Variants in USF3 observed in about 807,000 individuals in gnomAD.
The protein encoded by USF3 is upstream transcription factor family member 3.
USF3 carries 29 observed loss-of-function variants against 157.5 expected under a neutral mutation model. That is an observed-to-expected ratio of 0.18 (90% CI 0.14 to 0.25). The LOEUF is 0.25. Ranked by LOEUF, USF3 falls within the 10% of genes least tolerant of loss-of-function variation. The pLI, the probability that USF3 is intolerant of heterozygous loss-of-function variation, is 1.00. For missense variants in USF3, 2,381 were observed against 2,667.6 expected, an observed-to-expected ratio of 0.89 and a Z score of 2.37; for synonymous variants, 893 against 941.4, an observed-to-expected ratio of 0.95 and a Z score of 0.94.
At chr3:113,696,143 G>GCC (rs2107969971) in intron 1 of USF3, among the ~76,000 whole-genome samples, 1 of 152,342 alleles carries the variant, frequency 6.6e-6, no homozygotes, top group East Asian at 1.9e-4. Context: ...CGGGGACGCA[G>GCC]GGCGGGCGGG....
At chr3:113,680,798 C>CA (rs527515104) in intron 1 of USF3, among the ~76,000 whole-genome samples, 20,206 of 113,312 alleles carry the variant, frequency 0.18, 1,930 homozygotes, top group Non-Finnish European at 0.24. Flanking sequence ...ATACTGTCTC[C>CA]AAAAAAAAAA....
Position 113,658,495 on chromosome 3 carries a change from G to A in USF3, c.3187C>T (p.Gln1063Ter), listed in dbSNP as rs1397567107. 6.2e-7 allele frequency: 1 copy of A among 1,613,718 alleles called. No homozygotes were observed. Among genetic ancestry groups the A allele is most frequent in the Non-Finnish European group, 8.5e-7 (1 of 1,179,724 alleles). Residue 1063 changes from glutamine (Q) to a stop codon, truncating the protein, a stop_gained, in exon 7 of 7, where the codon CAG (glutamine) becomes TAG (stop). Coordinates refer to ENST00000316407, the MANE Select transcript of USF3 (RefSeq NM_001009899.4). LOFTEE classifies it high-confidence loss of function. The part of the protein sequence containing the change: ...LMNNDDRDPP[Q>*]HHSCLPDQEV... The stretch of plus-strand genomic sequence containing the variant: ...TGATCAGGGAGGCAGGAATGATGCT[G>A]TGGAGGATCTCTATCATCATTGTTC...
chr3:113,682,705 A>G (rs1287140169), intron 1 of USF3, among the ~76,000 whole-genome samples: 1 of 152,148 alleles, frequency 6.6e-6, no homozygotes, highest in Non-Finnish European at 1.5e-5. Flanking sequence ...CTTTAAAATT[A>G]TATAATGATG....
Position 113,654,885 on chromosome 3 carries a change from T to G in USF3, c.*59A>C, listed in dbSNP as rs1173008255. On this transcript the variant is annotated 3_prime_UTR_variant, in exon 7 of 7. Coordinates refer to ENST00000316407, the MANE Select transcript of USF3 (RefSeq NM_001009899.4). ...CTCTTCATGTACATGTCTGTGCACA[T>G]GCACGCACAAATACATTTGTAATCT... The G allele has an allele frequency of 2.0e-6, 3 of 1,529,958 alleles. No individual in the cohort carries two copies. In the African/African-American group the frequency reaches 4.1e-5, roughly 21 times the overall value. The allele number at this position is 1,529,958 out of a possible 1,614,324, so 94.8% of individuals were successfully genotyped here.
At chr3:113,691,902 A>G (rs747282212) in intron 1 of USF3, among the ~76,000 whole-genome samples, 3 of 152,116 alleles carry the variant, frequency 2.0e-5, no homozygotes, top group Non-Finnish European at 4.4e-5. Flanking sequence ...TATCCTCTTT[A>G]AAGATTTCTC....
chr3:113,673,309 G>C (rs777646546), intron 4 of USF3, 39 bp downstream of exon 4: 10 of 1,456,950 alleles, frequency 6.9e-6, no homozygotes, highest in Middle Eastern at 1.7e-4. Flanking sequence ...CATTTTGAAT[G>C]CAAAAAATGC....
chr3:113,670,235 T>C lies in USF3; in HGVS notation c.77-32A>G, dbSNP rs201847339. 46 of 1,274,226 alleles carry C rather than the reference T, an allele frequency of 3.6e-5. No individual in the cohort carries two copies. The East Asian group carries it at 1.0e-3, about 28-fold the overall frequency. 78.9% of individuals were successfully genotyped at this position (1,274,226 alleles called of 1,614,324 possible). On this transcript the variant is annotated intron_variant, in intron 4 of 6. Transcript: ENST00000316407. ...GGGAGAAAATTCGTTTATCAAACCT[T>C]ACACTACTTAGTCAAAGTGCCCTCA...
chr3:113,671,532 T>C (rs1391489598), intron 4 of USF3, among the ~76,000 whole-genome samples: 1 of 152,198 alleles, frequency 6.6e-6, no homozygotes, highest in Non-Finnish European at 1.5e-5. Flanking sequence ...GGAGACATTA[T>C]ACAAATAATT....
Position 113,672,209 on chromosome 3 carries a change from T to C in USF3, c.76+1139A>G, listed in dbSNP as rs376667803. 3.0e-4 allele frequency among the ~76,000 whole-genome samples: 46 copies of C among 151,304 alleles called. No individual in the cohort carries two copies. In the South Asian group the frequency reaches 9.4e-3, roughly 31 times the overall value. ...CCAGCTGGAGTGCAATGGCACGATCTCGCTTAACTGCATCAAGCGATTCTC... is the reference window on the plus strand; with the variant it reads ...CCAGCTGGAGTGCAATGGCACGATCCCGCTTAACTGCATCAAGCGATTCTC... On this transcript the variant is annotated intron_variant, in intron 4 of 6. Coordinates refer to ENST00000316407, the MANE Select transcript of USF3 (RefSeq NM_001009899.4).
rs150243139 is a variant in USF3 at position 113,654,759 on chromosome 3, T to C, written c.*185A>G. ...ACACCATGCAGTTGAAAACGAAAGA[T>C]AACTTGTTTTCTGACAACCCAGTAT... On this transcript the variant is annotated 3_prime_UTR_variant, in exon 7 of 7. Coordinates refer to ENST00000316407, the MANE Select transcript of USF3 (RefSeq NM_001009899.4). 3.0e-4 allele frequency: 174 copies of C among 580,916 alleles called. 2 individuals carry two copies. The East Asian group carries it at 4.9e-3, about 16-fold the overall frequency. 36.0% of individuals were successfully genotyped at this position (580,916 alleles called of 1,614,324 possible).
Position 113,657,957 on chromosome 3 carries a change from T to C in USF3, c.3725A>G (p.Asn1242Ser), listed in dbSNP as rs1405295936. Reference sequence around the variant, plus strand: ...GATGCTGCTCTGATGGATAAGATTATTCACACTTAAACTGGTGATGCTTGG... The same window carrying C: ...GATGCTGCTCTGATGGATAAGATTACTCACACTTAAACTGGTGATGCTTGG... Reference protein sequence around the residue: ...QPPSITSLSVNNLIHQSSISH... With the variant: ...QPPSITSLSVSNLIHQSSISH... Residue 1242 changes from asparagine to serine, a missense_variant, in exon 7 of 7, where the codon AAT becomes AGT. This residue lies in a region of USF3 where 1,435 missense variants were observed against 1,550.9 expected (regional missense o/e 0.93). Transcript: ENST00000316407. 3 of 1,614,226 alleles carry C rather than the reference T, an allele frequency of 1.9e-6. No homozygotes were observed. Among genetic ancestry groups the C allele is most frequent in the East Asian group, 4.5e-5 (2 of 44,886 alleles).
chr3:113,654,871 C>A lies in USF3; in HGVS notation c.*73G>T. ...CACACACAATCCTTCTCTTCATGTA[C>A]ATGTCTGTGCACATGCACGCACAAA... On this transcript the variant is annotated 3_prime_UTR_variant, in exon 7 of 7. Coordinates refer to ENST00000316407, the MANE Select transcript of USF3 (RefSeq NM_001009899.4). The A allele has an allele frequency of 1.4e-6, 2 of 1,458,836 alleles. No individual in the cohort carries two copies. Among genetic ancestry groups the A allele is most frequent in the Middle Eastern group, 1.8e-4 (1 of 5,468 alleles). 90.4% of individuals were successfully genotyped at this position (1,458,836 alleles called of 1,614,324 possible). A position where few individuals can be genotyped will look rare whatever the true frequency, so the allele number is the denominator to read the frequency against.
intron 4 of USF3, among the ~76,000 whole-genome samples, chr3:113,670,888 T>G (rs1707140426): frequency 6.6e-6 from 1 of 152,018 alleles, no homozygotes; most frequent in African/African-American, 2.4e-5. Flanking sequence ...ACCACAGGCA[T>G]GCAGCACCAT....
intron 1 of USF3, among the ~76,000 whole-genome samples, chr3:113,689,535 T>C (rs9850256): frequency 0.38 from 57,171 of 152,040 alleles, 10,783 homozygotes; most frequent in African/African-American, 0.41. Context: ...ATATTTGATT[T>C]TTTCCACTTT....
intron 1 of USF3, 109 bp from the exon 2 acceptor site, chr3:113,677,506 G>T (rs552955239): frequency 6.6e-6 from 1 of 152,298 alleles, no homozygotes; most frequent in African/African-American, 2.4e-5. Flanking sequence ...TTAGTGCCAC[G>T]AAGGATGATC....
intron 1 of USF3, among the ~76,000 whole-genome samples, chr3:113,691,414 A>G (rs1369165554): frequency 6.6e-6 from 1 of 152,214 alleles, no homozygotes; most frequent in Non-Finnish European, 1.5e-5. Flanking sequence ...AACCAAGCTC[A>G]ACAAAAGACT....
rs1341282795 is a variant in USF3 at position 113,660,000 on chromosome 3, G to A, written c.1682C>T (p.Thr561Ile). ...TGCCCTCATCACTGTTGGGCATGGG[G>A]TGGTGCTAGGTGGCTGAAGAATTAT... ...NVIILQPPSTTPCPTVMRAEV... is the reference protein window; with the variant it reads ...NVIILQPPSTIPCPTVMRAEV... The change falls in exon 7 of 7, where the codon ACC (threonine) becomes ATC (isoleucine). Residue 561 changes from threonine to isoleucine, a missense_variant. By Grantham distance (89) the Thr-to-Ile change is moderately conservative. Around this residue, in one of 6 missense-constraint regions of USF3, gnomAD observed 1,435 missense variants for 1,550.9 expected, o/e 0.93. Coordinates refer to ENST00000316407, the MANE Select transcript of USF3 (RefSeq NM_001009899.4). The A allele has an allele frequency of 3.1e-6, 5 of 1,614,220 alleles. No homozygotes were observed. In the South Asian group the frequency reaches 4.4e-5, roughly 14 times the overall value.
chr3:113,679,385 A>G (rs1401307605), intron 1 of USF3, among the ~76,000 whole-genome samples: 1 of 151,620 alleles, frequency 6.6e-6, no homozygotes, highest in Non-Finnish European at 1.5e-5. Context: ...CCATCAAGGT[A>G]CAGAACATTA....
At position 113,660,389 on chromosome 3, in the gene USF3, T is replaced by A. The variant is rs570738144; in HGVS notation, c.1293A>T (p.Thr431=). ...CTGCCAGTTGCAAAGTAGTCCACGT[T>A]GTCTGTGTGTTTCCAGCTGAAGAGA... is the stretch of plus-strand genomic sequence containing the variant. ...TRISSAGNTQ[T]TWTTLQLAGN... Residue 431 remains threonine (T), a synonymous_variant, in exon 7 of 7, where the codon ACA becomes ACT. Transcript: ENST00000316407. 6.2e-7 allele frequency: 1 copy of A among 1,614,084 alleles called. No homozygotes were observed. The highest frequency in any genetic ancestry group is 8.5e-7 in the Non-Finnish European group (1 of 1,180,024).
Sources: gnomAD v4.1 joint callset for allele counts (sites outside exome capture counted in the v4.1 genomes callset) on GRCh38, gnomAD v4.1.1 for gene constraint, gnomAD v4.1.1 regional missense constraint, MANE v1.5 for transcripts, NCBI Gene and HGNC (gene_info 2026-07-23, HGNC 2026-07-21) for gene names.